Variants in RGS6 observed in about 807,000 individuals in gnomAD.
RGS6 encodes the protein regulator of G protein signaling 6.
RGS6 carries 30 observed loss-of-function variants against 78.5 expected under a neutral mutation model. That is an observed-to-expected ratio of 0.38 (90% CI 0.29 to 0.52). RGS6 has a LOEUF of 0.52. Among genes scored for constraint, RGS6 ranks in the 20% least tolerant of loss-of-function variants. The probability of loss-of-function intolerance (pLI) is 0.85; values close to 1 mark genes in which losing one functional copy is unlikely to be tolerated. For missense variants in RGS6, 495 were observed against 609.7 expected (o/e 0.81, Z 1.98); for synonymous variants, 206 against 206.0 (o/e 1.00, Z 0.00).
At position 72,563,320 on chromosome 14, in the gene RGS6, CAAAAT is replaced by C. The variant is rs1348560092; in HGVS notation, c.*857_*861del. The C allele has an allele frequency of 1.3e-5, 2 of 154,626 alleles. No individual in the cohort carries two copies. The highest frequency in any genetic ancestry group is 1.4e-5 in the Non-Finnish European group (1 of 69,472). The allele number at this position is 154,626 out of a possible 1,614,324, so 9.6% of individuals were successfully genotyped here. A position where few individuals can be genotyped will look rare whatever the true frequency, so the allele number is the denominator to read the frequency against. ...TTGGTTTATTCCCTCATGTTTTACT[CAAAAT>C]AAACATGGCCATGAACTCAGGGGCC... On this transcript the variant is annotated 3_prime_UTR_variant, in exon 18 of 18. Transcript: ENST00000553525.
At chr14:72,226,783 A>G (rs1039154834) in intron 2 of RGS6, among the ~76,000 whole-genome samples, 1 of 152,048 alleles carries the variant, frequency 6.6e-6, no homozygotes, top group Non-Finnish European at 1.5e-5. Context: ...GCTCACTGCA[A>G]CCTCCACCTC....
At chr14:72,136,302 C>G (rs994977899) in intron 2 of RGS6, among the ~76,000 whole-genome samples, 1 of 151,914 alleles carries the variant, frequency 6.6e-6, no homozygotes, top group Non-Finnish European at 1.5e-5. Flanking sequence ...TTATCTTTAG[C>G]ATAGAGCGAA....
Position 72,485,505 on chromosome 14 carries a change from G to T in RGS6, c.854+7176G>T, listed in dbSNP as rs374756680. 5.3e-5 allele frequency among the ~76,000 whole-genome samples: 8 copies of T among 152,286 alleles called. No homozygotes were observed. In the South Asian group the frequency reaches 6.2e-4, roughly 12 times the overall value. On this transcript the variant is annotated intron_variant, in intron 12 of 17. Transcript: ENST00000553525. ...GTCTTGTGTGTCCCAAGCAGACTCT[G>T]TTCATCTTGTAATCTGTACACTACC...
At chr14:72,301,662 G>T (rs548068109) in intron 2 of RGS6, among the ~76,000 whole-genome samples, 1 of 152,306 alleles carries the variant, frequency 6.6e-6, no homozygotes, top group Admixed American at 6.5e-5. Flanking sequence ...GATATTGGCA[G>T]TGTTGGCTCC....
At chr14:71,986,705 T>C (rs2094725720) in intron 2 of RGS6, among the ~76,000 whole-genome samples, 1 of 152,174 alleles carries the variant, frequency 6.6e-6, no homozygotes, top group Non-Finnish European at 1.5e-5. Context: ...AGTGAGACCC[T>C]GTCTCAAAAA....
chr14:72,528,710 G>A (rs550708348), intron 15 of RGS6, among the ~76,000 whole-genome samples: 6 of 152,318 alleles, frequency 3.9e-5, no homozygotes, highest in South Asian at 2.1e-4. Context: ...GACAAAATAA[G>A]ACAAAGCAAG....
the RGS6 span, among the ~76,000 whole-genome samples, chr14:71,904,112 T>C: frequency 1.4e-4 from 22 of 152,372 alleles, no homozygotes; most frequent in African/African-American, 4.8e-4. Context: ...GCCATCGTAG[T>C]GGACAATTGT....
intron 2 of RGS6, among the ~76,000 whole-genome samples, chr14:72,035,623 G>T (rs191409618): frequency 1.3e-5 from 2 of 152,064 alleles, no homozygotes; most frequent in Non-Finnish European, 2.9e-5. Context: ...TCCTAGTATT[G>T]CTTTTGCTGC....
chr14:72,356,999 G>A (rs747636538), intron 3 of RGS6, among the ~76,000 whole-genome samples: 2 of 152,162 alleles, frequency 1.3e-5, no homozygotes, highest in Admixed American at 6.6e-5. Flanking sequence ...AGCCAGGCGC[G>A]GTGGCTCATG....
At chr14:72,294,076 A>G (rs1449823274) in intron 2 of RGS6, among the ~76,000 whole-genome samples, 1 of 152,152 alleles carries the variant, frequency 6.6e-6, no homozygotes, top group Non-Finnish European at 1.5e-5. Context: ...CTGCTTCTCC[A>G]CGCCTTCCAC....
intron 14 of RGS6, among the ~76,000 whole-genome samples, chr14:72,518,144 A>G (rs537168604): frequency 6.6e-6 from 1 of 152,328 alleles, no homozygotes; most frequent in Admixed American, 6.5e-5. Context: ...TGATCTTTTA[A>G]TATGCAATTC....
At chr14:72,132,453 A>G (rs1056702914) in intron 2 of RGS6, among the ~76,000 whole-genome samples, 7 of 151,658 alleles carry the variant, frequency 4.6e-5, no homozygotes, top group African/African-American at 1.7e-4. Context: ...TAGCTTTTCT[A>G]TTTTTAGTAG....
At chr14:72,473,186 GTAATC>G in intron 9 of RGS6, among the ~76,000 whole-genome samples, 1 of 152,228 alleles carries the variant, frequency 6.6e-6, no homozygotes, top group East Asian at 1.9e-4. Context: ...GCTCACGCCT[GTAATC>G]CCAGCGCTTT....
the RGS6 span, among the ~76,000 whole-genome samples, chr14:72,586,403 G>A: frequency 7.0e-4 from 107 of 152,272 alleles, no homozygotes; most frequent in African/African-American, 2.4e-3. Flanking sequence ...TCTCTCTCGT[G>A]CTTCCTCTCC....
chr14:72,043,723 T>C (rs986205365), intron 2 of RGS6, among the ~76,000 whole-genome samples: 2 of 152,246 alleles, frequency 1.3e-5, no homozygotes, highest in East Asian at 3.8e-4. Context: ...ACATTTATTG[T>C]GCTTAGTGGT....
chr14:71,914,294 T>G, the RGS6 span, among the ~76,000 whole-genome samples: 636 of 152,346 alleles, frequency 4.2e-3, 8 homozygotes, highest in African/African-American at 0.015. Flanking sequence ...GGTTCATTTC[T>G]TGTTTGCTCC....
intron 1 of RGS6, among the ~76,000 whole-genome samples, chr14:71,944,434 A>G (rs1358765258): frequency 6.6e-6 from 1 of 152,246 alleles, no homozygotes; most frequent in Non-Finnish European, 1.5e-5. Flanking sequence ...TGTTTTATAT[A>G]GCACAAGGTG....
chr14:71,922,014 C>T, the RGS6 span, among the ~76,000 whole-genome samples: 1 of 152,132 alleles, frequency 6.6e-6, no homozygotes, highest in African/African-American at 2.4e-5. Context: ...GGCTTTAAAT[C>T]CCACCTATTT....
chr14:71,868,759 A>C, the RGS6 span, among the ~76,000 whole-genome samples: 1 of 152,178 alleles, frequency 6.6e-6, no homozygotes, highest in Non-Finnish European at 1.5e-5. Flanking sequence ...GAAGAGCACA[A>C]TTCCATAACC....
Sources: allele counts gnomAD v4.1 joint callset (sites outside exome capture counted in the v4.1 genomes callset), GRCh38; gene constraint gnomAD v4.1.1; transcripts MANE v1.5; gene names NCBI Gene and HGNC (gene_info 2026-07-23, HGNC 2026-07-21).